Variants in STON2 observed in about 807,000 individuals in gnomAD.
STON2 encodes stonin 2.
STON2 carries 29 observed loss-of-function variants against 65.7 expected under a neutral mutation model. The ratio of observed to expected loss-of-function variants is 0.44; its 90% CI spans 0.33 to 0.60. The LOEUF (loss-of-function observed/expected upper bound fraction) is 0.60, where lower values mean the gene tolerates loss of function less well. Among genes scored for constraint, STON2 ranks in the 20% least tolerant of loss-of-function variants. The pLI is 0.03. For missense variants in STON2, 1,054 were observed against 1,118.1 expected (o/e 0.94, Z 0.82); for synonymous variants, 404 against 414.2 (o/e 0.98, Z 0.30).
At chr14:81,355,710 CA>C (rs2140326343) in intron 4 of STON2, among the ~76,000 whole-genome samples, 1 of 152,274 alleles carries the variant, frequency 6.6e-6, no homozygotes, top group Non-Finnish European at 1.5e-5. Flanking sequence ...TATGAAAGCA[CA>C]AAACCCTTCA....
chr14:81,268,419 G>A lies in STON2; in HGVS notation c.2863C>T (p.Gln955Ter). Residue 955 changes from glutamine to a stop codon, truncating the protein, a stop_gained, in exon 8 of 8, where the codon CAG becomes TAG. Coordinates refer to ENST00000614646, the MANE Select transcript of STON2 (RefSeq NM_001394390.1). LOFTEE classifies it high-confidence loss of function. ...EMENPKECGVQ is the reference protein window; with the variant it reads ...EMENPKECGV ...TTCCTTGCCGCAAGGCTTTGTCACT[G>A]CACTCCACACTCCTTGGGATTTTCC... 7.8e-7 allele frequency: 1 copy of A among 1,289,512 alleles called. No individual in the cohort carries two copies. The highest frequency in any genetic ancestry group is 1.2e-5 in the South Asian group (1 of 81,004). The allele number at this position is 1,289,512 out of a possible 1,614,324, so 79.9% of individuals were successfully genotyped here. A position where few individuals can be genotyped will look rare whatever the true frequency, so the allele number is the denominator to read the frequency against.
At chr14:81,360,833 A>G (rs2140339300) in intron 4 of STON2, among the ~76,000 whole-genome samples, 1 of 152,338 alleles carries the variant, frequency 6.6e-6, no homozygotes. Flanking sequence ...GTTGCAGGAC[A>G]CAAAATCAAC....
At chr14:81,272,042 G>A (rs973304210) in intron 6 of STON2, among the ~76,000 whole-genome samples, 2 of 152,118 alleles carry the variant, frequency 1.3e-5, no homozygotes, top group African/African-American at 4.8e-5. Context: ...CTAAAATGGT[G>A]AAACCCCGTC....
chr14:81,382,116 G>A (rs1209164753), intron 3 of STON2, among the ~76,000 whole-genome samples: 1 of 152,084 alleles, frequency 6.6e-6, no homozygotes, highest in Non-Finnish European at 1.5e-5. Context: ...CTACTCAGAA[G>A]GCTGAGGCAG....
chr14:81,326,469 A>G (rs1187821623), intron 4 of STON2, among the ~76,000 whole-genome samples: 1 of 151,004 alleles, frequency 6.6e-6, no homozygotes, highest in Admixed American at 6.6e-5. Context: ...AAAAGTATAT[A>G]CCTTGTTATA....
At chr14:81,344,946 G>A (rs766306506) in intron 4 of STON2, among the ~76,000 whole-genome samples, 4 of 152,136 alleles carry the variant, frequency 2.6e-5, no homozygotes, top group Non-Finnish European at 5.9e-5. Context: ...ATCCCTTGGC[G>A]AACCACCAAG....
At chr14:81,380,668 G>C (rs898354521) in intron 3 of STON2, among the ~76,000 whole-genome samples, 4 of 152,170 alleles carry the variant, frequency 2.6e-5, no homozygotes, top group African/African-American at 9.7e-5. Flanking sequence ...CATGTCCTTT[G>C]CAGCAACATG....
chr14:81,385,076 C>T (rs1899728789), intron 3 of STON2, among the ~76,000 whole-genome samples: 1 of 152,172 alleles, frequency 6.6e-6, no homozygotes, highest in African/African-American at 2.4e-5. Flanking sequence ...CTGTGTCCAG[C>T]TCTCCCATAA....
chr14:81,363,500 A>G (rs1898587876), intron 4 of STON2, among the ~76,000 whole-genome samples: 1 of 126,252 alleles, frequency 7.9e-6, no homozygotes, highest in Non-Finnish European at 1.7e-5. Flanking sequence ...CAAAGCAATC[A>G]TTAGAGTTTT....
rs896118046 is a variant in STON2, at chr14:81,262,561, T to C, written c.*5853A>G. 29 of 985,334 alleles carry C rather than the reference T, an allele frequency of 2.9e-5. No homozygotes were observed. In the East Asian group the frequency reaches 7.9e-4, roughly 27 times the overall value. 61.0% of individuals were successfully genotyped at this position (985,334 alleles called of 1,614,324 possible). On this transcript the variant is annotated 3_prime_UTR_variant, in exon 8 of 8. Transcript: ENST00000614646. ...TCTCTCTAGATTTTACTTTTTCATATTGAAATTCTTTTTTTAGTCTATTCT... is the reference window on the plus strand; with the variant it reads ...TCTCTCTAGATTTTACTTTTTCATACTGAAATTCTTTTTTTAGTCTATTCT...
At chr14:81,313,794 CA>C (rs1458066137) in intron 5 of STON2, among the ~76,000 whole-genome samples, 8,402 of 98,346 alleles carry the variant, frequency 0.085, 289 homozygotes, top group South Asian at 0.18. Context: ...GACTCCGTCT[CA>C]AAAAAAAAAA....
At chr14:81,416,660 C>T (rs552587536) in intron 2 of STON2, among the ~76,000 whole-genome samples, 1 of 152,330 alleles carries the variant, frequency 6.6e-6, no homozygotes, top group African/African-American at 2.4e-5. Flanking sequence ...CTGCTATAAT[C>T]GTCAGCCAAG....
chr14:81,389,989 G>A (rs908856315), intron 3 of STON2, among the ~76,000 whole-genome samples: 2 of 152,016 alleles, frequency 1.3e-5, no homozygotes, highest in East Asian at 1.9e-4. Flanking sequence ...GAGGTGGGCC[G>A]ATCATTTGAG....
At chr14:81,356,279 T>A (rs1898227236) in intron 4 of STON2, among the ~76,000 whole-genome samples, 1 of 152,194 alleles carries the variant, frequency 6.6e-6, no homozygotes, top group South Asian at 2.1e-4. Flanking sequence ...GTGGTTTTTG[T>A]CTTTGGTTCT....
intron 4 of STON2, among the ~76,000 whole-genome samples, chr14:81,355,838 G>T (rs905877354): frequency 1.3e-5 from 2 of 152,068 alleles, no homozygotes; most frequent in Admixed American, 1.3e-4. Context: ...GAATGCTTGT[G>T]ATTTTTGTAC....
intron 5 of STON2, among the ~76,000 whole-genome samples, chr14:81,300,405 C>T (rs1232842842): frequency 6.6e-6 from 1 of 151,978 alleles, no homozygotes; most frequent in Admixed American, 6.6e-5. Flanking sequence ...ACACAAGAGG[C>T]GCTAACCATA....
intron 6 of STON2, among the ~76,000 whole-genome samples, chr14:81,272,583 G>T (rs2140105287): frequency 6.6e-6 from 1 of 152,252 alleles, no homozygotes; most frequent in Non-Finnish European, 1.5e-5. Flanking sequence ...GTTTTGCTCT[G>T]TTTCACAAAC....
intron 5 of STON2, among the ~76,000 whole-genome samples, chr14:81,318,547 C>T (rs1896708142): frequency 6.6e-6 from 1 of 152,206 alleles, no homozygotes; most frequent in South Asian, 2.1e-4. Context: ...TTTGCAGTTT[C>T]TCACACTAAA....
At chr14:81,330,385 G>A (rs943215850) in intron 4 of STON2, among the ~76,000 whole-genome samples, 1 of 151,960 alleles carries the variant, frequency 6.6e-6, no homozygotes, top group African/African-American at 2.4e-5. Flanking sequence ...ACTGAGTTAC[G>A]ATCTTTGATA....
Sources: gnomAD v4.1 joint callset for allele counts (sites outside exome capture counted in the v4.1 genomes callset) on GRCh38, gnomAD v4.1.1 for gene constraint, MANE v1.5 for transcripts, NCBI Gene and HGNC (gene_info 2026-07-23, HGNC 2026-07-21) for gene names.